DOCK8: variants seen among roughly 807,000 people sequenced by gnomAD.
DOCK8 encodes dedicator of cytokinesis protein 8.
A neutral mutation model predicts 245.6 loss-of-function variants in DOCK8; 141 were observed. The observed-to-expected ratio is 0.57, with a 90% confidence interval of 0.50 to 0.66. DOCK8 has a LOEUF of 0.66. Among genes scored for constraint, DOCK8 ranks in the 30% least tolerant of loss-of-function variants. DOCK8 has a pLI of 0.00. For missense variants in DOCK8, 2,965 were observed against 2,603.4 expected (o/e 1.14, Z -3.02); for synonymous variants, 1,168 against 970.2 (o/e 1.20, Z -3.79).
At chr9:289,615 A>C in intron 4 of DOCK8, 34 bp downstream of exon 4, 2 of 1,544,464 alleles carry the variant, frequency 1.3e-6, no homozygotes, top group African/African-American at 2.8e-5. Context: ...TTGTATATAA[A>C]TATTAATTTT....
upstream of DOCK8, chr9:214,612 C>T: frequency 6.2e-7 from 1 of 1,613,700 alleles, no homozygotes; most frequent in Non-Finnish European, 8.5e-7. Flanking sequence ...ATGGAGCTTC[C>T]GGCCTGCGCG....
chr9:333,279 AT>A (rs1268591377), intron 10 of DOCK8, among the ~76,000 whole-genome samples: 1 of 152,246 alleles, frequency 6.6e-6, no homozygotes, highest in African/African-American at 2.4e-5. Context: ...CTCAACAGCA[AT>A]TTGCAAAGAT....
intron 20 of DOCK8, among the ~76,000 whole-genome samples, chr9:377,589 ACT>A (rs1288445023): frequency 2.0e-5 from 3 of 152,186 alleles, no homozygotes; most frequent in Non-Finnish European, 4.4e-5. Context: ...GAGGGAAGGA[ACT>A]CTCTACATTG....
chr9:341,943 T>A (rs962584600), intron 14 of DOCK8, among the ~76,000 whole-genome samples: 74 of 152,312 alleles, frequency 4.9e-4, no homozygotes, highest in African/African-American at 1.7e-3. Context: ...GTGCGCTCCT[T>A]ATGAGAATCT....
rs12350034 is a variant in DOCK8 at position 418,357 on chromosome 9, C to G, written c.3840+150C>G. The G allele has an allele frequency of 3.2e-3, 3,504 of 1,090,424 alleles. 71 individuals are homozygous for G. The African/African-American group carries it at 0.044, about 14-fold the overall frequency. 67.5% of individuals were successfully genotyped at this position (1,090,424 alleles called of 1,614,324 possible). A position where few individuals can be genotyped will look rare whatever the true frequency, so the allele number is the denominator to read the frequency against. ...CGCAATCTCAGTTCACTGCAACCTC[C>G]GCCTCCCGGGTTCTTCATGCCTCAG... On this transcript the variant is annotated intron_variant, in intron 30 of 47. Coordinates refer to ENST00000432829, the MANE Select transcript of DOCK8 (RefSeq NM_203447.4).
At chr9:336,449 T>C in intron 11 of DOCK8, 133 bp from the exon 12 acceptor site, 7 of 1,258,962 alleles carry the variant, frequency 5.6e-6, no homozygotes, top group Non-Finnish European at 6.8e-6. Flanking sequence ...GAAGGACATT[T>C]TCATTCAAAA....
chr9:445,393 C>T (rs1030836624), intron 43 of DOCK8, among the ~76,000 whole-genome samples: 1 of 152,228 alleles, frequency 6.6e-6, no homozygotes, highest in East Asian at 1.9e-4. Context: ...AGTGTCCCAG[C>T]ATCTGAACTC....
chr9:422,364 A>G (rs370751451), intron 33 of DOCK8, among the ~76,000 whole-genome samples: 6 of 152,190 alleles, frequency 3.9e-5, no homozygotes, highest in African/African-American at 1.4e-4. Flanking sequence ...AAGAAAACTA[A>G]TATTTCTTTA....
chr9:305,095 C>T lies in DOCK8; in HGVS notation c.528+391C>T, dbSNP rs565071540. Reference sequence around the variant, plus strand: ...ATTCTACCATGTACTAACTCTCTAACTTCAAGCAGGATAATTAAACTTATT... The same window carrying T: ...ATTCTACCATGTACTAACTCTCTAATTTCAAGCAGGATAATTAAACTTATT... On this transcript the variant is annotated intron_variant, in intron 5 of 47. Coordinates refer to ENST00000432829, the MANE Select transcript of DOCK8 (RefSeq NM_203447.4). Among the ~76,000 whole-genome samples the T allele has an allele frequency of 3.9e-5, 6 of 152,230 alleles. No individual in the cohort carries two copies. The East Asian group carries it at 1.2e-3, about 29-fold the overall frequency.
intron 5 of DOCK8, among the ~76,000 whole-genome samples, chr9:309,788 A>G (rs571309860): frequency 5.1e-4 from 78 of 152,342 alleles, no homozygotes; most frequent in African/African-American, 1.7e-3. Context: ...GTCTATACAC[A>G]ATTTAATTTG....
chr9:365,535 G>C (rs1165234518), intron 14 of DOCK8: 1 of 441,786 alleles, frequency 2.3e-6, no homozygotes, highest in Non-Finnish European at 4.5e-6. Flanking sequence ...AATAATAGAA[G>C]TCTACTGCTA....
At chr9:415,825 C>T (rs1337302686) in intron 29 of DOCK8, among the ~76,000 whole-genome samples, 1 of 152,208 alleles carries the variant, frequency 6.6e-6, no homozygotes, top group South Asian at 2.1e-4. Context: ...CAATGCTTCC[C>T]TGAGCCAGCC....
At chr9:289,911 G>A (rs2048970263) in intron 4 of DOCK8, among the ~76,000 whole-genome samples, 2 of 152,142 alleles carry the variant, frequency 1.3e-5, no homozygotes, top group Non-Finnish European at 2.9e-5. Context: ...ACATGTATAT[G>A]CCTTTACAGT....
intron 1 of DOCK8, among the ~76,000 whole-genome samples, chr9:249,294 AAGTGG>A (rs1342475745): frequency 2.0e-5 from 3 of 152,186 alleles, no homozygotes; most frequent in African/African-American, 4.8e-5. Context: ...AAACTCTGCG[AAGTGG>A]AGTGAAGTCA....
At position 281,203 on chromosome 9, in the gene DOCK8, G is replaced by A. The variant is rs1052971240; in HGVS notation, c.157-5258G>A. Among the ~76,000 whole-genome samples the A allele has an allele frequency of 1.3e-3, 190 of 151,810 alleles. 1 individual carries two copies. The highest frequency in any genetic ancestry group is 1.3e-3 in the African/African-American group (53 of 41,406). On this transcript the variant is annotated intron_variant, in intron 2 of 47. Coordinates refer to ENST00000432829, the MANE Select transcript of DOCK8 (RefSeq NM_203447.4). ...CAGGAGGTGGAGGTTGCAGTGAGCC[G>A]AGATCCCGCCACTGCAGTCCAGCAA...
intron 2 of DOCK8, chr9:284,320 C>G (rs561176026): frequency 6.6e-6 from 1 of 152,332 alleles, no homozygotes; most frequent in South Asian, 2.1e-4. Context: ...GGCTCCTGCA[C>G]AGGCTGATCT....
At chr9:381,739 C>A (rs1028366804) in intron 21 of DOCK8, among the ~76,000 whole-genome samples, 1 of 152,144 alleles carries the variant, frequency 6.6e-6, no homozygotes, top group African/African-American at 2.4e-5. Flanking sequence ...GTGAGCAGAT[C>A]ACTTGAGCTC....
upstream of DOCK8, among the ~76,000 whole-genome samples, chr9:211,808 G>C (rs2046624270): frequency 6.6e-6 from 1 of 152,096 alleles, no homozygotes; most frequent in Non-Finnish European, 1.5e-5. Flanking sequence ...GCTGAAGCCA[G>C]AACCCAGATT....
At chr9:225,302 C>A (rs538012804) in intron 1 of DOCK8, among the ~76,000 whole-genome samples, 2 of 152,274 alleles carry the variant, frequency 1.3e-5, no homozygotes, top group African/African-American at 4.8e-5. Flanking sequence ...AAGGGCAACA[C>A]CTCTGAGGAG....
Sources: allele counts gnomAD v4.1 joint callset (sites outside exome capture counted in the v4.1 genomes callset), GRCh38; gene constraint gnomAD v4.1.1; transcripts MANE v1.5; gene names NCBI Gene and HGNC (gene_info 2026-07-23, HGNC 2026-07-21).